ERC2: variants seen among roughly 807,000 people sequenced by gnomAD.
ERC2 encodes ERC protein 2.
A neutral mutation model predicts 114.8 loss-of-function variants in ERC2; 42 were observed. The ratio of observed to expected loss-of-function variants is 0.37; its 90% confidence interval spans 0.29 to 0.47. The LOEUF is 0.47. ERC2 is among the 20% of genes least tolerant of loss of function. ERC2 has a pLI of 0.99. For synonymous variants in ERC2, 454 were observed against 425.5 expected (o/e 1.07, Z -0.82); for missense variants, 939 against 1,150.7 (o/e 0.82, Z 2.66).
At chr3:55,943,402 CT>C (rs1468855259) in intron 13 of ERC2, among the ~76,000 whole-genome samples, 3 of 152,068 alleles carry the variant, frequency 2.0e-5, no homozygotes, top group Non-Finnish European at 2.9e-5. Flanking sequence ...AGAGGTCTCC[CT>C]TCCCAGTGGC....
chr3:56,309,531 A>G (rs922905466), intron 2 of ERC2, among the ~76,000 whole-genome samples: 9 of 152,228 alleles, frequency 5.9e-5, no homozygotes, highest in African/African-American at 1.7e-4. Flanking sequence ...CTGGGGAAAA[A>G]TCACTAAACT....
chr3:55,916,328 C>T (rs1484547055), intron 13 of ERC2, among the ~76,000 whole-genome samples: 1 of 152,096 alleles, frequency 6.6e-6, no homozygotes, highest in East Asian at 1.9e-4. Context: ...TATTGCCTTG[C>T]TGACAGATTT....
At chr3:56,455,531 G>A (rs1289962828) in intron 1 of ERC2, among the ~76,000 whole-genome samples, 1 of 152,190 alleles carries the variant, frequency 6.6e-6, no homozygotes, top group Non-Finnish European at 1.5e-5. Flanking sequence ...CTGTGGGAAA[G>A]TCAACTAAGA....
chr3:55,609,345 C>CACAG (rs2058784932), intron 17 of ERC2, among the ~76,000 whole-genome samples: 1 of 152,166 alleles, frequency 6.6e-6, no homozygotes, highest in Admixed American at 6.5e-5. Flanking sequence ...CTCCCCTAGC[C>CACAG]ACAGCATTGG....
intron 2 of ERC2, among the ~76,000 whole-genome samples, chr3:56,373,593 T>C (rs929998797): frequency 6.6e-6 from 1 of 152,156 alleles, no homozygotes; most frequent in Admixed American, 6.5e-5. Flanking sequence ...CAGCAGCACA[T>C]TGGTGTAAAG....
intron 2 of ERC2, among the ~76,000 whole-genome samples, chr3:56,370,588 T>G (rs986495121): frequency 7.5e-6 from 1 of 134,022 alleles, no homozygotes; most frequent in Admixed American, 7.7e-5. Context: ...TTGGTGGGGG[T>G]TTTTTTGTTT....
intron 2 of ERC2, among the ~76,000 whole-genome samples, chr3:56,426,094 A>T (rs1435866805): frequency 1.3e-5 from 2 of 152,238 alleles, no homozygotes; most frequent in African/African-American, 4.8e-5. Context: ...AAAGAAAAAG[A>T]TTTCCTAGAA....
At chr3:55,804,232 GTTCATTTTGTATCCAAGT>G (rs1334027990) in intron 14 of ERC2, among the ~76,000 whole-genome samples, 1 of 152,024 alleles carries the variant, frequency 6.6e-6, no homozygotes, top group African/African-American at 2.4e-5. Flanking sequence ...CAATTATCTG[GTTCATTTTGTATCCAAGT>G]TACCCTCAAA....
intron 12 of ERC2, among the ~76,000 whole-genome samples, chr3:55,958,622 C>T (rs563687914): frequency 4.6e-5 from 7 of 152,348 alleles, no homozygotes; most frequent in African/African-American, 7.2e-5. Flanking sequence ...AAGCCATCCT[C>T]AGCACCCCTG....
intron 16 of ERC2, among the ~76,000 whole-genome samples, chr3:55,690,174 A>G (rs559541490): frequency 6.6e-6 from 1 of 152,292 alleles, no homozygotes; most frequent in African/African-American, 2.4e-5. Context: ...TTGGTCTGTA[A>G]GGTGGTTTCC....
intron 2 of ERC2, among the ~76,000 whole-genome samples, chr3:56,350,724 G>A (rs1415530518): frequency 6.6e-6 from 1 of 152,288 alleles, no homozygotes; most frequent in East Asian, 1.9e-4. Flanking sequence ...AGTAAAAAAG[G>A]AGAGCATGGA....
At chr3:55,787,818 C>G (rs1420260582) in intron 14 of ERC2, among the ~76,000 whole-genome samples, 1 of 152,178 alleles carries the variant, frequency 6.6e-6, no homozygotes, top group East Asian at 1.9e-4. Flanking sequence ...GATATCATAT[C>G]TCAAGCCCAA....
chr3:55,947,013 G>A (rs935077862), intron 13 of ERC2, among the ~76,000 whole-genome samples: 3 of 152,216 alleles, frequency 2.0e-5, no homozygotes, highest in Admixed American at 6.5e-5. Flanking sequence ...CCATGCAGCA[G>A]AGGCCGCAAG....
At chr3:56,008,732 G>T (rs984067700) in intron 9 of ERC2, among the ~76,000 whole-genome samples, 3 of 152,160 alleles carry the variant, frequency 2.0e-5, no homozygotes, top group Admixed American at 1.3e-4. Context: ...AAGTAAAGGA[G>T]ATTATTCTCA....
chr3:55,623,130 T>C (rs777992504), intron 17 of ERC2, among the ~76,000 whole-genome samples: 4 of 152,202 alleles, frequency 2.6e-5, no homozygotes, highest in Non-Finnish European at 5.9e-5. Context: ...AGTGGCACAG[T>C]GCAGTGGGAG....
intron 13 of ERC2, among the ~76,000 whole-genome samples, chr3:55,891,733 A>G (rs1215280765): frequency 2.0e-5 from 3 of 151,888 alleles, no homozygotes; most frequent in Non-Finnish European, 4.4e-5. Flanking sequence ...GCATGAGCCA[A>G]CTGTCTGATT....
chr3:56,251,893 A>G (rs931625720), intron 3 of ERC2, among the ~76,000 whole-genome samples: 1 of 152,218 alleles, frequency 6.6e-6, no homozygotes, highest in Admixed American at 6.5e-5. Flanking sequence ...AATGTTTGGG[A>G]AATGCTAATC....
intron 17 of ERC2, among the ~76,000 whole-genome samples, chr3:55,616,834 C>A (rs2059140993): frequency 6.6e-6 from 1 of 151,968 alleles, no homozygotes; most frequent in African/African-American, 2.4e-5. Context: ...CCGAGCCCAG[C>A]AAATTGAACC....
At chr3:55,710,174 T>G (rs1008841838) in intron 15 of ERC2, among the ~76,000 whole-genome samples, 4 of 152,056 alleles carry the variant, frequency 2.6e-5, no homozygotes, top group African/African-American at 9.7e-5. Context: ...GATTTAGTTC[T>G]ATGAGGAGTC....
Sources: gnomAD v4.1 joint callset for allele counts (sites outside exome capture counted in the v4.1 genomes callset) on GRCh38, gnomAD v4.1.1 for gene constraint, MANE v1.5 for transcripts, NCBI Gene and HGNC (gene_info 2026-07-23, HGNC 2026-07-21) for gene names.